Variants in PABPC4L observed in about 807,000 individuals in gnomAD.
PABPC4L encodes polyadenylate-binding protein 4-like.
For synonymous variants in PABPC4L, 169 were observed against 164.1 expected, an observed-to-expected ratio of 1.03 and a Z score of -0.23; for missense variants, 452 against 451.4, an observed-to-expected ratio of 1.00 and a Z score of -0.01.
At chr4:134,184,669 G>T in the PABPC4L span, among the ~76,000 whole-genome samples, 1 of 151,994 alleles carries the variant, frequency 6.6e-6, no homozygotes, top group Admixed American at 6.6e-5. Context: ...GGGCACCTTG[G>T]TGTGGACATA....
At chr4:133,967,983 TAGAC>T in the PABPC4L span, among the ~76,000 whole-genome samples, 1 of 152,158 alleles carries the variant, frequency 6.6e-6, no homozygotes, top group Non-Finnish European at 1.5e-5. Context: ...AGTGAGACAA[TAGAC>T]AGAAAAGAGT....
chr4:134,097,140 A>T, the PABPC4L span, among the ~76,000 whole-genome samples: 1 of 151,934 alleles, frequency 6.6e-6, no homozygotes, highest in Non-Finnish European at 1.5e-5. Flanking sequence ...TCAAGGAAAA[A>T]ATATACACCT....
the PABPC4L span, among the ~76,000 whole-genome samples, chr4:134,027,975 T>G: frequency 6.6e-6 from 1 of 152,230 alleles, no homozygotes; most frequent in South Asian, 2.1e-4. Flanking sequence ...ACTAAGTTTT[T>G]GAGAGATTTG....
chr4:134,088,989 T>C, the PABPC4L span, among the ~76,000 whole-genome samples: 1 of 152,060 alleles, frequency 6.6e-6, no homozygotes, highest in Non-Finnish European at 1.5e-5. Flanking sequence ...TGTAATAATG[T>C]ATATAAGTGA....
At chr4:134,201,317 T>A (rs1245463689) in intron 1 of PABPC4L, 72 bp from the exon 2 acceptor site, 3 of 1,330,742 alleles carry the variant, frequency 2.3e-6, no homozygotes, top group Non-Finnish European at 2.9e-6. Context: ...AAACTTCAAG[T>A]GGCGGGCTGG....
chr4:134,052,852 G>A, the PABPC4L span, among the ~76,000 whole-genome samples: 1 of 152,034 alleles, frequency 6.6e-6, no homozygotes, highest in Non-Finnish European at 1.5e-5. Context: ...GTGTGTGTGT[G>A]TTTAAGTTTT....
At chr4:134,064,124 A>G in the PABPC4L span, among the ~76,000 whole-genome samples, 1 of 152,036 alleles carries the variant, frequency 6.6e-6, no homozygotes, top group South Asian at 2.1e-4. Flanking sequence ...TATTTTATAA[A>G]TATTTATAAT....
the PABPC4L span, among the ~76,000 whole-genome samples, chr4:134,008,337 T>C: frequency 6.6e-6 from 1 of 151,842 alleles, no homozygotes; most frequent in Non-Finnish European, 1.5e-5. Flanking sequence ...TTAGCCAGTG[T>C]GAATGGATTA....
At chr4:134,170,624 T>A in the PABPC4L span, among the ~76,000 whole-genome samples, 24 of 151,262 alleles carry the variant, frequency 1.6e-4, no homozygotes, top group African/African-American at 5.6e-4. Context: ...AGGGAGGAGG[T>A]GCTGCACACA....
chr4:134,173,159 C>CAAAAAAAAA, the PABPC4L span, among the ~76,000 whole-genome samples: 6 of 77,992 alleles, frequency 7.7e-5, no homozygotes, highest in Middle Eastern at 8.9e-3. Flanking sequence ...GGAGATTCCT[C>CAAAAAAAAA]AAAAAAAAAA....
the PABPC4L span, among the ~76,000 whole-genome samples, chr4:134,135,875 A>T: frequency 6.6e-6 from 1 of 152,030 alleles, no homozygotes; most frequent in Admixed American, 6.6e-5. Context: ...GCAGAAAAGT[A>T]CAATACCCAT....
At chr4:134,119,948 T>C in the PABPC4L span, among the ~76,000 whole-genome samples, 1 of 151,624 alleles carries the variant, frequency 6.6e-6, no homozygotes, top group Admixed American at 6.6e-5. Flanking sequence ...TAGATCACAT[T>C]TTTAATCCAT....
At chr4:133,977,742 A>G in the PABPC4L span, among the ~76,000 whole-genome samples, 1 of 152,192 alleles carries the variant, frequency 6.6e-6, no homozygotes, top group Admixed American at 6.6e-5. Context: ...AAGGCTCATG[A>G]ATGCCAATAG....
chr4:134,066,725 T>C, the PABPC4L span, among the ~76,000 whole-genome samples: 1 of 151,940 alleles, frequency 6.6e-6, no homozygotes, highest in Non-Finnish European at 1.5e-5. Context: ...TCATTGCCTG[T>C]TTTTTTGAAG....
chr4:134,098,694 G>GA, the PABPC4L span, among the ~76,000 whole-genome samples: 1 of 151,584 alleles, frequency 6.6e-6, no homozygotes, highest in Admixed American at 6.6e-5. Context: ...TCACAAAGGA[G>GA]AAAATGCAGA....
the PABPC4L span, among the ~76,000 whole-genome samples, chr4:134,057,461 T>C: frequency 2.0e-5 from 3 of 152,038 alleles, no homozygotes. Context: ...TCTGACATCA[T>C]CCCATTGGTG....
At chr4:134,174,445 T>C in the PABPC4L span, among the ~76,000 whole-genome samples, 2 of 152,170 alleles carry the variant, frequency 1.3e-5, no homozygotes, top group Admixed American at 6.5e-5. Context: ...TAGGTGTGTT[T>C]ACATCAGCAT....
At chr4:134,188,041 T>C in the PABPC4L span, among the ~76,000 whole-genome samples, 1 of 152,054 alleles carries the variant, frequency 6.6e-6, no homozygotes, top group Non-Finnish European at 1.5e-5. Context: ...CCAAGCATTT[T>C]ACATAGTTCT....
At chr4:134,054,179 C>A in the PABPC4L span, among the ~76,000 whole-genome samples, 2 of 137,970 alleles carry the variant, frequency 1.4e-5, no homozygotes, top group East Asian at 4.2e-4. Context: ...CTATGAATTT[C>A]TTTTTTTAAC....
Sources: allele counts gnomAD v4.1 joint callset (sites outside exome capture counted in the v4.1 genomes callset), GRCh38; gene constraint gnomAD v4.1.1; transcripts MANE v1.5; gene names NCBI Gene and HGNC (gene_info 2026-07-23, HGNC 2026-07-21).